Variants in KIAA1958 observed in about 807,000 individuals in gnomAD.
KIAA1958 encodes KIAA1958.
KIAA1958 carries 14 observed loss-of-function variants against 47.2 expected under a neutral mutation model. The ratio of observed to expected loss-of-function variants is 0.30; its 90% confidence interval spans 0.20 to 0.46. KIAA1958 has a LOEUF of 0.46. Ranked by LOEUF, KIAA1958 falls within the 20% of genes least tolerant of loss-of-function variation. KIAA1958 has a pLI of 1.00. For missense variants in KIAA1958, 803 were observed against 909.2 expected (o/e 0.88, Z 1.50); for synonymous variants, 354 against 353.3 (o/e 1.00, Z -0.02).
rs780852494 is a variant in KIAA1958, at chr9:112,583,343, T to C, written c.1171+8092T>C. On this transcript the variant is annotated intron_variant, in intron 2 of 3. Coordinates refer to ENST00000337530, the MANE Select transcript of KIAA1958 (RefSeq NM_133465.4). ...AAGTATTAATTTTAAGTATTCCAAG[T>C]GTTATTGAAGGTATGAGAAAATGGG... Among the ~76,000 whole-genome samples the C allele has an allele frequency of 2.9e-4, 44 of 152,272 alleles. 1 individual carries two copies. Among genetic ancestry groups the C allele is most frequent in the Middle Eastern group, 3.4e-3 (1 of 294 alleles).
chr9:112,533,201 A>C (rs1588005466), intron 1 of KIAA1958, among the ~76,000 whole-genome samples: 1 of 152,054 alleles, frequency 6.6e-6, no homozygotes, highest in African/African-American at 2.4e-5. Context: ...TAAAGTCTCT[A>C]ATTTTTTAAG....
intron 2 of KIAA1958, among the ~76,000 whole-genome samples, chr9:112,636,637 A>G (rs1380537985): frequency 6.6e-6 from 1 of 152,112 alleles, no homozygotes; most frequent in Non-Finnish European, 1.5e-5. Flanking sequence ...TATTTCTAGT[A>G]ATACTTCTTG....
chr9:112,601,647 T>G (rs1836133228), intron 2 of KIAA1958, among the ~76,000 whole-genome samples: 1 of 152,168 alleles, frequency 6.6e-6, no homozygotes, highest in Non-Finnish European at 1.5e-5. Flanking sequence ...TTAATGAATA[T>G]ATGAAGACCA....
chr9:112,569,040 G>A lies in KIAA1958; in HGVS notation c.-24-5017G>A, dbSNP rs1051746630. ...TGGAGGTAGTCTGTAAGAACTGGCC[G>A]ACTTTCATGATCATTAACTGTATTT... On this transcript the variant is annotated intron_variant, in intron 1 of 3. Coordinates refer to ENST00000337530, the MANE Select transcript of KIAA1958 (RefSeq NM_133465.4). Among the ~76,000 whole-genome samples the A allele has an allele frequency of 6.0e-5, 9 of 149,686 alleles. No homozygotes were observed. The South Asian group carries it at 1.3e-3, about 21-fold the overall frequency.
At position 112,601,631 on chromosome 9, in the gene KIAA1958, C is replaced by A. The variant is rs75036416; in HGVS notation, c.1171+26380C>A. 1.4e-4 allele frequency among the ~76,000 whole-genome samples: 21 copies of A among 152,236 alleles called. No homozygotes were observed. In the East Asian group the frequency reaches 3.9e-3, roughly 28 times the overall value. On this transcript the variant is annotated intron_variant, in intron 2 of 3. Transcript: ENST00000337530. ...CCCCCACCTTGCAGCACGCACAGTG[C>A]CTGATTTAATGAATATATGAAGACC...
At chr9:112,620,648 C>G (rs1333346097) in intron 2 of KIAA1958, among the ~76,000 whole-genome samples, 1 of 152,098 alleles carries the variant, frequency 6.6e-6, no homozygotes, top group East Asian at 1.9e-4. Context: ...CATCCAGAAA[C>G]AAGAAGAAAG....
intron 1 of KIAA1958, among the ~76,000 whole-genome samples, chr9:112,564,243 A>C (rs1206358105): frequency 2.6e-5 from 4 of 152,350 alleles, no homozygotes; most frequent in Middle Eastern, 3.4e-3. Context: ...GATAGAATTT[A>C]CCAGTGAAAC....
rs1837314322 is a variant in KIAA1958, at chr9:112,663,643, G to A, written c.*3574G>A. On this transcript the variant is annotated 3_prime_UTR_variant, in exon 4 of 4. Coordinates refer to ENST00000337530, the MANE Select transcript of KIAA1958 (RefSeq NM_133465.4). ...ACAGAAAAGCCTTATGGGGCTTTAT[G>A]AGAAGGTTTTTCCATTGTTTAGTGT... 1 of 152,166 alleles carries A rather than the reference G, an allele frequency of 6.6e-6. No individual in the cohort carries two copies. The highest frequency in any genetic ancestry group is 1.5e-5 in the Non-Finnish European group (1 of 68,026). The allele number at this position is 152,166 out of a possible 1,614,324, so 9.4% of individuals were successfully genotyped here.
At chr9:112,534,657 C>T (rs2132815107) in intron 1 of KIAA1958, among the ~76,000 whole-genome samples, 1 of 152,016 alleles carries the variant, frequency 6.6e-6, no homozygotes, top group Admixed American at 6.6e-5. Context: ...GATTCTCCTG[C>T]CTCACCCTCT....
At chr9:112,522,901 G>A (rs1834574127) in intron 1 of KIAA1958, among the ~76,000 whole-genome samples, 1 of 152,234 alleles carries the variant, frequency 6.6e-6, no homozygotes, top group East Asian at 1.9e-4. Flanking sequence ...TACCTCTTGG[G>A]TTACAGCAGG....
chr9:112,553,321 G>T lies in KIAA1958; in HGVS notation c.-24-20736G>T, dbSNP rs184007975. Reference sequence around the variant, plus strand: ...CCTGGCTTCAGCCTCCCAAGTAGCTGGGACTACAGCTCATCTAGCTAATTT... The same window carrying T: ...CCTGGCTTCAGCCTCCCAAGTAGCTTGGACTACAGCTCATCTAGCTAATTT... On this transcript the variant is annotated intron_variant, in intron 1 of 3. Coordinates refer to ENST00000337530, the MANE Select transcript of KIAA1958 (RefSeq NM_133465.4). Among the ~76,000 whole-genome samples, 598 of 151,970 alleles carry T rather than the reference G, an allele frequency of 3.9e-3. 2 individuals carry two copies. Among genetic ancestry groups the T allele is most frequent in the African/African-American group, 0.014 (569 of 41,424 alleles).
intron 3 of KIAA1958, among the ~76,000 whole-genome samples, chr9:112,658,776 T>A (rs149577452): frequency 3.8e-4 from 57 of 151,404 alleles, no homozygotes; most frequent in Admixed American, 2.0e-3. Context: ...TGGCTAACAC[T>A]GTGAAACCCC....
At chr9:112,507,376 G>A (rs993244579) in intron 1 of KIAA1958, among the ~76,000 whole-genome samples, 5 of 152,172 alleles carry the variant, frequency 3.3e-5, no homozygotes, top group African/African-American at 1.2e-4. Context: ...TAAGAGACAA[G>A]TTTTCAGTCT....
intron 1 of KIAA1958, among the ~76,000 whole-genome samples, chr9:112,546,851 G>A (rs1413252865): frequency 6.6e-6 from 1 of 152,024 alleles, no homozygotes; most frequent in Non-Finnish European, 1.5e-5. Context: ...AGCACTCCTT[G>A]ACTCGTTGGG....
intron 1 of KIAA1958, among the ~76,000 whole-genome samples, chr9:112,513,621 C>G (rs1180430105): frequency 1.5e-5 from 2 of 130,782 alleles, no homozygotes; most frequent in Non-Finnish European, 3.3e-5. Flanking sequence ...CAGCCGCCGC[C>G]GCCCGACCGC....
At position 112,649,934 on chromosome 9, in the gene KIAA1958, C is replaced by T. The variant is rs989351588; in HGVS notation, c.1344+4112C>T. ...GAATGAAGATTACTGGAAATGATAG[C>T]TACATGGGTAAATATGTAAGTTTTT... On this transcript the variant is annotated intron_variant, in intron 3 of 3. Coordinates refer to ENST00000337530, the MANE Select transcript of KIAA1958 (RefSeq NM_133465.4). Among the ~76,000 whole-genome samples the T allele has an allele frequency of 3.7e-4, 57 of 152,102 alleles. No homozygotes were observed. In the Middle Eastern group the frequency reaches 0.01, roughly 27 times the overall value.
chr9:112,503,925 TTATATATA>T (rs5900006), intron 1 of KIAA1958, among the ~76,000 whole-genome samples: 2 of 147,390 alleles, frequency 1.4e-5, no homozygotes, highest in Non-Finnish European at 3.0e-5. Flanking sequence ...GGGTTATAAA[TTATATATA>T]TATATATATA....
At chr9:112,582,736 A>AC (rs1378687631) in intron 2 of KIAA1958, 1 of 152,044 alleles carries the variant, frequency 6.6e-6, no homozygotes, top group African/African-American at 2.4e-5. Flanking sequence ...AAAAAAAAAA[A>AC]CAGACAAAAA....
chr9:112,499,834 G>A (rs1474853862), intron 1 of KIAA1958, among the ~76,000 whole-genome samples: 1 of 151,178 alleles, frequency 6.6e-6, no homozygotes, highest in Admixed American at 6.6e-5. Context: ...GACTACAGGC[G>A]CCCACCACCA....
Sources: gnomAD v4.1 joint callset for allele counts (sites outside exome capture counted in the v4.1 genomes callset) on GRCh38, gnomAD v4.1.1 for gene constraint, MANE v1.5 for transcripts, NCBI Gene and HGNC (gene_info 2026-07-23, HGNC 2026-07-21) for gene names.